Variants in ASIC4 observed in about 807,000 individuals in gnomAD.
The protein encoded by ASIC4 is acid sensing ion channel subunit family member 4.
ASIC4 carries 28 observed loss-of-function variants against 53.4 expected under a neutral mutation model. The observed-to-expected ratio is 0.52, with a 90% CI of 0.39 to 0.72. The LOEUF is 0.72. Among genes scored for constraint, ASIC4 ranks in the 30% least tolerant of loss-of-function variants. ASIC4 has a pLI of 0.00. For synonymous variants in ASIC4, 289 were observed against 301.4 expected (o/e 0.96, Z 0.43); for missense variants, 649 against 729.7 (o/e 0.89, Z 1.27).
At chr2:219,510,863 A>G (rs1404740710), upstream of ASIC4, among the ~76,000 whole-genome samples, 3 of 149,454 alleles carry the variant, frequency 2.0e-5, no homozygotes, top group African/African-American at 7.4e-5. This position sits in a 1 kb window ranked among gnomAD's most constrained non-coding sequence, Gnocchi z 5.2. Context: ...TGGGACTCTC[A>G]TTAACCGCTT....
chr2:219,515,111 C>T lies in ASIC4; in HGVS notation c.387C>T (p.Ser129=), dbSNP rs1206392264. Residue 129 remains serine (S), a synonymous_variant, in exon 1 of 10, where the codon AGC becomes AGT. Transcript: ENST00000358078. ...NINRFRHSAL[S]DADIFHLANL... Reference sequence around the variant, plus strand: ...ACCGCTTCCGGCATTCGGCACTCAGCGATGCCGACATCTTCCACCTGGCCA... The same window carrying T: ...ACCGCTTCCGGCATTCGGCACTCAGTGATGCCGACATCTTCCACCTGGCCA... 4.3e-6 allele frequency: 7 copies of T among 1,614,130 alleles called. No homozygotes were observed. Among genetic ancestry groups the T allele is most frequent in the East Asian group, 2.2e-5 (1 of 44,880 alleles).
intron 1 of ASIC4, among the ~76,000 whole-genome samples, chr2:219,529,813 G>A (rs1431696947): frequency 1.3e-5 from 2 of 152,264 alleles, no homozygotes; most frequent in African/African-American, 2.4e-5. Flanking sequence ...TGGTGCACAC[G>A]TTTTTGTTTC....
chr2:219,531,667 T>C, intron 1 of ASIC4, 91 bp from the exon 2 acceptor site: 1 of 1,426,806 alleles, frequency 7.0e-7, no homozygotes, highest in East Asian at 2.3e-5. Context: ...TCCAAGCAGA[T>C]CTGGTGGCCC....
chr2:219,521,388 T>A (rs1330000918), intron 1 of ASIC4, among the ~76,000 whole-genome samples: 2 of 152,222 alleles, frequency 1.3e-5, no homozygotes, highest in African/African-American at 4.8e-5. Flanking sequence ...CCTCTGATCC[T>A]CCCTCTGTCT....
chr2:219,511,007 C>A (rs989725023), upstream of ASIC4, among the ~76,000 whole-genome samples: 15 of 152,168 alleles, frequency 9.9e-5, no homozygotes, highest in Non-Finnish European at 1.3e-4. The surrounding 1 kb of genome is among the most constrained non-coding windows in gnomAD (Gnocchi z 5.3). Flanking sequence ...CAGCCCCAGC[C>A]CCCCCATCCT....
Position 219,514,554 on chromosome 2 carries a change from G to T in ASIC4, c.-171G>T. The T allele has an allele frequency of 6.4e-7, 1 of 1,564,174 alleles. No individual in the cohort carries two copies. The highest frequency in any genetic ancestry group is 2.4e-5 in the East Asian group (1 of 41,686). On this transcript the variant is annotated 5_prime_UTR_variant, in exon 1 of 10. Transcript: ENST00000358078. ...CCAGGGCTGCGGAGCTGCTGGGAGT[G>T]GGAGTGACTCCCCCACCTCGGGCCC... is the stretch of plus-strand genomic sequence containing the variant.
At chr2:219,511,483 C>T (rs993876001), upstream of ASIC4, among the ~76,000 whole-genome samples, 2 of 151,950 alleles carry the variant, frequency 1.3e-5, no homozygotes, top group Non-Finnish European at 2.9e-5. The surrounding 1 kb of genome is among the most constrained non-coding windows in gnomAD (Gnocchi z 5.3). Flanking sequence ...CCCTGGGGGG[C>T]GGAGGCAGGT....
Position 219,519,000 on chromosome 2 carries a change from G to C in ASIC4, c.582+3694G>C, listed in dbSNP as rs1293281477. Among the ~76,000 whole-genome samples the C allele has an allele frequency of 6.6e-6, 1 of 152,152 alleles. No individual in the cohort carries two copies. Among genetic ancestry groups the C allele is most frequent in the Non-Finnish European group, 1.5e-5 (1 of 68,008 alleles). On this transcript the variant is annotated intron_variant, in intron 1 of 9. Transcript: ENST00000358078. The surrounding 1 kb of genome is among the most constrained non-coding windows in gnomAD (Gnocchi z 4.8). ...CTCACTACAGGCTCCGCCCCCCGGG[G>C]TTCATGCCATTCTCTTGCCTCAGCC... is the stretch of plus-strand genomic sequence containing the variant.
chr2:219,508,940 C>T, the ASIC4 span, among the ~76,000 whole-genome samples: 1 of 151,628 alleles, frequency 6.6e-6, no homozygotes, highest in African/African-American at 2.4e-5. Flanking sequence ...GGGGGTGGGT[C>T]CCTGGCACCA....
intron 1 of ASIC4, among the ~76,000 whole-genome samples, chr2:219,522,827 G>C (rs1291009441): frequency 6.6e-6 from 1 of 152,168 alleles, no homozygotes; most frequent in African/African-American, 2.4e-5. Flanking sequence ...CCGAGGAGCC[G>C]GGAGCCGGGG....
chr2:219,511,520 A>G (rs1336771579), upstream of ASIC4, among the ~76,000 whole-genome samples: 8 of 152,046 alleles, frequency 5.3e-5, no homozygotes, highest in Admixed American at 5.2e-4. This position sits in a 1 kb window ranked among gnomAD's most constrained non-coding sequence, Gnocchi z 5.3. Context: ...AAATCTGAGG[A>G]ATGGGGACAA....
At position 219,515,307 on chromosome 2, in the gene ASIC4, G is replaced by A; in HGVS notation, c.582+1G>A. On this transcript the variant is annotated splice_donor_variant, in intron 1 of 9. Coordinates refer to ENST00000358078, the MANE Select transcript of ASIC4 (RefSeq NM_018674.6). LOFTEE classifies it high-confidence loss of function. ...CTGCTCCGCCAGCAACTTCTCTGTGGTGAGTTCTGCCAGCTGGGCTGCCTG... is the reference window on the plus strand; with the variant it reads ...CTGCTCCGCCAGCAACTTCTCTGTGATGAGTTCTGCCAGCTGGGCTGCCTG... The A allele has an allele frequency of 6.2e-7, 1 of 1,606,162 alleles. No individual in the cohort carries two copies. The highest frequency in any genetic ancestry group is 1.1e-5 in the South Asian group (1 of 90,144).
the ASIC4 span, among the ~76,000 whole-genome samples, chr2:219,508,928 AG>A: frequency 1.8e-4 from 2 of 11,286 alleles, no homozygotes; most frequent in Non-Finnish European, 3.7e-4. Context: ...GGGGCCGGGG[AG>A]GGGGGTGGGT....
chr2:219,532,671 G>T, intron 4 of ASIC4, 194 bp downstream of exon 4: 1 of 857,650 alleles, frequency 1.2e-6, no homozygotes, highest in Non-Finnish European at 1.8e-6. Flanking sequence ...CCGGCATGCA[G>T]ATGCCTGTGT....
At chr2:219,533,266 A>G (rs1447201802) in intron 5 of ASIC4, 1 of 464,662 alleles carries the variant, frequency 2.2e-6, no homozygotes, top group Non-Finnish European at 3.9e-6. Context: ...GTCTCAGGAA[A>G]AATGCATTGC....
intron 1 of ASIC4, among the ~76,000 whole-genome samples, chr2:219,521,857 GAGA>G (rs933688726): frequency 6.6e-6 from 1 of 152,270 alleles, no homozygotes; most frequent in African/African-American, 2.4e-5. Context: ...GGCCCGAGGG[GAGA>G]AGATCTGCCA....
upstream of ASIC4, among the ~76,000 whole-genome samples, chr2:219,511,820 G>A (rs1419732293): frequency 6.6e-6 from 1 of 152,066 alleles, no homozygotes; most frequent in Non-Finnish European, 1.5e-5. This position sits in a 1 kb window ranked among gnomAD's most constrained non-coding sequence, Gnocchi z 5.3. Context: ...ATGAGCCGGG[G>A]AAGCAGCCGG....
At position 219,537,199 on chromosome 2, in the gene ASIC4, T is replaced by A. The variant is rs373773855; in HGVS notation, c.1321+42T>A. 1.2e-6 allele frequency: 2 copies of A among 1,611,580 alleles called. No individual in the cohort carries two copies. Among genetic ancestry groups the A allele is most frequent in the African/African-American group, 2.7e-5 (2 of 74,812 alleles). On this transcript the variant is annotated intron_variant, in intron 7 of 9. Coordinates refer to ENST00000358078, the MANE Select transcript of ASIC4 (RefSeq NM_018674.6). This position sits in a 1 kb window ranked among gnomAD's most constrained non-coding sequence, Gnocchi z 4.9. The stretch of plus-strand genomic sequence containing the variant: ...TGCCCCCAGCTTGTGTGGGGGTGGA[T>A]CGGCCCGGCCGCTCCCTCTGACACT...
chr2:219,520,284 C>G (rs3755063), intron 1 of ASIC4, among the ~76,000 whole-genome samples: 1 of 152,164 alleles, frequency 6.6e-6, no homozygotes, highest in East Asian at 1.9e-4. Context: ...TGGGCAGTCC[C>G]TCCCCTGCCC....
Sources: allele counts gnomAD v4.1 joint callset (sites outside exome capture counted in the v4.1 genomes callset), GRCh38; gene constraint gnomAD v4.1.1; non-coding constraint Gnocchi (gnomAD v3.1); transcripts MANE v1.5; gene names NCBI Gene and HGNC (gene_info 2026-07-23, HGNC 2026-07-21).